Variants in MIB1 observed in about 807,000 individuals in gnomAD.
MIB1 encodes the protein MIB E3 ubiquitin protein ligase 1, also known as E3 ubiquitin-protein ligase MIB1.
In MIB1, 278 loss-of-function variants were observed where a neutral mutation model predicts 124.5. The observed-to-expected ratio is 2.23, with a 90% confidence interval of 2.02 to 2.47. The LOEUF is 2.47. MIB1 is among the 30% of genes most tolerant of loss of function. The pLI, the probability that MIB1 is intolerant of heterozygous loss-of-function variation, is 0.00. For missense variants in MIB1, 957 were observed against 1,254.4 expected (o/e 0.76, Z 3.58); for synonymous variants, 446 against 429.4 (o/e 1.04, Z -0.48).
intron 6 of MIB1, among the ~76,000 whole-genome samples, chr18:21,789,747 A>G (rs946923112): frequency 6.6e-5 from 10 of 152,122 alleles, no homozygotes; most frequent in Non-Finnish European, 4.4e-5. Context: ...AACCTGGGTA[A>G]CAGAGTGAGA....
intron 1 of MIB1, among the ~76,000 whole-genome samples, chr18:21,710,014 T>G (rs1005244070): frequency 6.6e-6 from 1 of 152,246 alleles, no homozygotes; most frequent in Admixed American, 6.5e-5. Context: ...ATTAAAAATA[T>G]TACCTTTGTG....
chr18:21,796,569 C>T (rs2041583972), intron 7 of MIB1, among the ~76,000 whole-genome samples: 1 of 151,914 alleles, frequency 6.6e-6, no homozygotes, highest in Non-Finnish European at 1.5e-5. Context: ...AAAATTAAAA[C>T]AAAACAAAAA....
chr18:21,707,283 C>A (rs6508561), intron 1 of MIB1, among the ~76,000 whole-genome samples: 1 of 152,052 alleles, frequency 6.6e-6, no homozygotes, highest in African/African-American at 2.4e-5. Flanking sequence ...TCTAGCTCAG[C>A]GATTGTAAAT....
At chr18:21,795,380 TTA>T (rs1325897716) in intron 7 of MIB1, among the ~76,000 whole-genome samples, 1 of 144,338 alleles carries the variant, frequency 6.9e-6, no homozygotes, top group African/African-American at 2.5e-5. Flanking sequence ...AAATATATAT[TTA>T]TATTTATTTT....
At chr18:21,842,968 A>G (rs1456853213) in intron 13 of MIB1, among the ~76,000 whole-genome samples, 163 bp from the exon 14 acceptor site, 2 of 152,146 alleles carry the variant, frequency 1.3e-5, no homozygotes, top group South Asian at 2.1e-4. Context: ...ATTTTTTTCT[A>G]CTTTAACAGC....
chr18:21,854,011 TTAAAAAAAAAA>T (rs1483832061), intron 18 of MIB1, among the ~76,000 whole-genome samples: 8 of 42,346 alleles, frequency 1.9e-4, no homozygotes, highest in South Asian at 2.8e-3. Flanking sequence ...AGACTCAGTC[TTAAAAAAAAAA>T]AAAAAAAAAA....
intron 1 of MIB1, among the ~76,000 whole-genome samples, chr18:21,749,641 CT>C (rs10653364): frequency 1.4e-3 from 159 of 114,512 alleles, no homozygotes; most frequent in East Asian, 3.5e-3. Context: ...CTACCTTACT[CT>C]TTTTTTTTTT....
chr18:21,819,348 A>G (rs1393371213), intron 11 of MIB1, 147 bp from the exon 12 acceptor site: 4 of 542,360 alleles, frequency 7.4e-6, no homozygotes, highest in Non-Finnish European at 1.3e-5. Context: ...CTTTGCCTAT[A>G]TTTTTGTAGT....
chr18:21,842,633 A>G (rs2042101709), intron 13 of MIB1, among the ~76,000 whole-genome samples: 3 of 152,172 alleles, frequency 2.0e-5, no homozygotes, highest in Admixed American at 2.0e-4. Flanking sequence ...TTATGTACGA[A>G]TTAAGCATTA....
chr18:21,819,738 G>T, intron 12 of MIB1, 92 bp downstream of exon 12: 1 of 925,892 alleles, frequency 1.1e-6, no homozygotes, highest in Non-Finnish European at 1.5e-6. Flanking sequence ...AATAATTTTG[G>T]CTATTTTAGT....
chr18:21,778,295 G>T, intron 5 of MIB1, 126 bp downstream of exon 5: 1 of 579,166 alleles, frequency 1.7e-6, no homozygotes, highest in South Asian at 2.6e-5. Flanking sequence ...AAATTTTTTG[G>T]CTTTCCTTTG....
At position 21,765,817 on chromosome 18, in the gene MIB1, C is replaced by G. The variant is rs1230575033; in HGVS notation, c.275C>G (p.Pro92Arg). The part of the protein sequence containing the change: ...GTMCDTCRQQ[P>R]IIGIRWKCAE... ...ATGTGTGATACCTGCCGCCAGCAAC[C>G]AATCATTGGCATTCGATGGAAGTGT... Residue 92 changes from proline (P) to arginine (R), a missense_variant, in exon 2 of 21, where the codon CCA (proline) becomes CGA (arginine). Pro to Arg is a moderately radical substitution (Grantham distance 103). Coordinates refer to ENST00000261537, the MANE Select transcript of MIB1 (RefSeq NM_020774.4). 7 of 1,614,012 alleles carry G rather than the reference C, an allele frequency of 4.3e-6. No homozygotes were observed. Among genetic ancestry groups the G allele is most frequent in the Non-Finnish European group, 5.9e-6 (7 of 1,180,020 alleles).
intron 1 of MIB1, 31 bp from the exon 2 acceptor site, chr18:21,765,741 T>C (rs775840663): frequency 6.3e-7 from 1 of 1,580,388 alleles, no homozygotes; most frequent in East Asian, 2.3e-5. Context: ...AAATTTGTGA[T>C]TAATCTGAGC....
chr18:21,854,726 C>A, intron 18 of MIB1: 1 of 179,028 alleles, frequency 5.6e-6, no homozygotes, highest in Non-Finnish European at 1.1e-5. Context: ...ATGCTTGGTC[C>A]TGTCGTGGAT....
At chr18:21,716,695 C>CA (rs1398122085) in intron 1 of MIB1, among the ~76,000 whole-genome samples, 3 of 151,962 alleles carry the variant, frequency 2.0e-5, no homozygotes, top group African/African-American at 7.3e-5. Context: ...ACTAAAAATA[C>CA]AAAAAAATTA....
In MIB1 at chr18:21,741,622, G is replaced by A. The variant is rs2040852930; in HGVS notation, c.39G>A (p.Gly13=). The change falls in exon 1 of 21, where the codon GGG becomes GGA. Residue 13 remains glycine, a synonymous_variant. Coordinates refer to ENST00000261537, the MANE Select transcript of MIB1 (RefSeq NM_020774.4). The surrounding 1 kb of genome is among the most constrained non-coding windows in gnomAD (Gnocchi z 5.4). Reference sequence around the variant, plus strand: ...GGAATAACCGGGTGATGGTGGAAGGGGTTGGCGCTCGGGTAGTGCGCGGCC... The same window carrying A: ...GGAATAACCGGGTGATGGTGGAAGGAGTTGGCGCTCGGGTAGTGCGCGGCC... The part of the protein sequence containing the change: ...NSRNNRVMVE[G]VGARVVRGPD... The A allele has an allele frequency of 4.4e-6, 7 of 1,605,076 alleles. No individual in the cohort carries two copies. Among genetic ancestry groups the A allele is most frequent in the Non-Finnish European group, 5.1e-6 (6 of 1,176,870 alleles).
At chr18:21,735,556 C>T (rs1301446167) in intron 1 of MIB1, among the ~76,000 whole-genome samples, 1 of 151,940 alleles carries the variant, frequency 6.6e-6, no homozygotes, top group Non-Finnish European at 1.5e-5. Context: ...GGGGCTGAAG[C>T]CAGTGAGCCA....
Position 21,765,777 on chromosome 18 carries a change from A to C in MIB1, c.235A>C (p.Lys79Gln). 1 of 1,613,692 alleles carries C rather than the reference A, an allele frequency of 6.2e-7. No individual in the cohort carries two copies. The highest frequency in any genetic ancestry group is 2.2e-5 in the East Asian group (1 of 44,872). Residue 79 changes from lysine (K) to glutamine (Q), a missense_variant, in exon 2 of 21, where the codon AAG becomes CAG. Transcript: ENST00000261537. ...RILDSAPTGI[K>Q]HDGTMCDTCR... is the part of the protein sequence containing the mutation. ...ATGTGTCCTTGTTTTAATAGGCATC[A>C]AGCATGATGGAACCATGTGTGATAC... is the stretch of plus-strand genomic sequence containing the variant.
At chr18:21,774,917 T>C (rs2041263726) in intron 4 of MIB1, among the ~76,000 whole-genome samples, 1 of 123,066 alleles carries the variant, frequency 8.1e-6, no homozygotes, top group Admixed American at 8.6e-5. Context: ...TTAATTTATT[T>C]CCATTTTATT....
Sources: gnomAD v4.1 joint callset for allele counts (sites outside exome capture counted in the v4.1 genomes callset) on GRCh38, gnomAD v4.1.1 for gene constraint, Gnocchi (gnomAD v3.1) non-coding constraint, MANE v1.5 for transcripts, NCBI Gene and HGNC (gene_info 2026-07-23, HGNC 2026-07-21) for gene names.